MTFR2: variants seen among roughly 807,000 people sequenced by gnomAD.
MTFR2 encodes DUF729 domain-containing protein 1.
Under a neutral mutation model 41.2 loss-of-function variants are expected in MTFR2, and 44 were observed. The ratio of observed to expected loss-of-function variants is 1.07; its 90% confidence interval spans 0.84 to 1.37. The LOEUF (loss-of-function observed/expected upper bound fraction) is 1.37. Ranked by LOEUF, MTFR2 falls within the 40% of genes most tolerant of loss-of-function variation. The pLI is 0.00. For synonymous variants in MTFR2, 141 were observed against 154.6 expected (o/e 0.91, Z 0.65); for missense variants, 452 against 459.5 (o/e 0.98, Z 0.15).
At chr6:136,238,920 T>C (rs1176102505) in intron 6 of MTFR2, among the ~76,000 whole-genome samples, 2 of 151,758 alleles carry the variant, frequency 1.3e-5, no homozygotes, top group Middle Eastern at 3.2e-3. Context: ...ATACAAAAAT[T>C]AGCCAGGCAT....
chr6:136,237,052 TG>T (rs1779925516), intron 6 of MTFR2, among the ~76,000 whole-genome samples: 1 of 152,188 alleles, frequency 6.6e-6, no homozygotes, highest in Non-Finnish European at 1.5e-5. Flanking sequence ...ACTTCTCTCT[TG>T]CTCCTCTTTC....
At chr6:136,237,026 G>T (rs1363031231) in intron 6 of MTFR2, among the ~76,000 whole-genome samples, 1 of 152,208 alleles carries the variant, frequency 6.6e-6, no homozygotes, top group South Asian at 2.1e-4. Flanking sequence ...AACACAGGGC[G>T]TGTGCTAAAT....
chr6:136,246,601 A>G (rs774113117), intron 2 of MTFR2, among the ~76,000 whole-genome samples: 5 of 151,856 alleles, frequency 3.3e-5, no homozygotes, highest in African/African-American at 7.3e-5. Context: ...CATTCTTATT[A>G]TTTCATCTTC....
In MTFR2 at chr6:136,240,437, TTA is replaced by T. The variant is rs542633016; in HGVS notation, c.515-619_515-618del. Among the ~76,000 whole-genome samples, 3 of 151,932 alleles carry T rather than the reference TTA, an allele frequency of 2.0e-5. No homozygotes were observed. In the East Asian group the frequency reaches 5.8e-4, roughly 29 times the overall value. ...ATATACACTGTATAAATATCTTAAA[TTA>T]TATGTGTATTTATGCATTTGTATAT... On this transcript the variant is annotated intron_variant, in intron 5 of 7. Transcript: ENST00000420702.
intron 2 of MTFR2, chr6:136,247,511 CCTGT>C (rs1338734494): frequency 8.8e-6 from 4 of 456,144 alleles, no homozygotes; most frequent in Non-Finnish European, 1.8e-5. Flanking sequence ...TAAATTTCTT[CCTGT>C]CTGTTTCTTC....
chr6:136,244,704 G>GT, intron 3 of MTFR2, 61 bp downstream of exon 3: 1 of 1,171,690 alleles, frequency 8.5e-7, no homozygotes, highest in South Asian at 1.3e-5. Context: ...CCCCATACCT[G>GT]TAAGAGTACC....
intron 6 of MTFR2, among the ~76,000 whole-genome samples, chr6:136,236,999 G>A (rs76016466): frequency 6.6e-6 from 1 of 152,340 alleles, no homozygotes; most frequent in East Asian, 1.9e-4. Context: ...AGAGCATGGG[G>A]CGTGGGCGCC....
At chr6:136,241,083 T>C (rs1041768620) in intron 5 of MTFR2, among the ~76,000 whole-genome samples, 24 of 144,540 alleles carry the variant, frequency 1.7e-4, no homozygotes, top group African/African-American at 6.3e-4. Flanking sequence ...AGAGCAAGAC[T>C]GCGTCTCAAA....
intron 6 of MTFR2, among the ~76,000 whole-genome samples, chr6:136,236,120 C>T (rs901825212): frequency 6.6e-5 from 10 of 152,080 alleles, no homozygotes; most frequent in East Asian, 1.9e-4. Flanking sequence ...AAATTATAGA[C>T]GACTTCAAGA....
In MTFR2 at chr6:136,231,257, C is replaced by T; in HGVS notation, c.*18G>A. On this transcript the variant is annotated 3_prime_UTR_variant, in exon 8 of 8. Transcript: ENST00000420702. ...AGGAAGAAGTTTTGGAAGTTTAAAGCTCAACCTTAAGTTGAGTTTAAATCC... is the reference window on the plus strand; with the variant it reads ...AGGAAGAAGTTTTGGAAGTTTAAAGTTCAACCTTAAGTTGAGTTTAAATCC... 1.3e-6 allele frequency: 2 copies of T among 1,523,076 alleles called. No individual in the cohort carries two copies. The highest frequency in any genetic ancestry group is 1.4e-5 in the African/African-American group (1 of 72,704). 94.3% of individuals were successfully genotyped at this position (1,523,076 alleles called of 1,614,324 possible). A position where few individuals can be genotyped will look rare whatever the true frequency, so the allele number is the denominator to read the frequency against.
chr6:136,249,703 C>T lies in MTFR2; in HGVS notation c.-55+273G>A, dbSNP rs117230576. 3.0e-3 allele frequency among the ~76,000 whole-genome samples: 454 copies of T among 152,266 alleles called. 6 individuals carry two copies. In the East Asian group the frequency reaches 0.047, roughly 16 times the overall value. Reference sequence around the variant, plus strand: ...TCATGAGATGTGATGGTTTTATCAACAGGAGTTCCCCTGCACAAGCCCTCT... The same window carrying T: ...TCATGAGATGTGATGGTTTTATCAATAGGAGTTCCCCTGCACAAGCCCTCT... On this transcript the variant is annotated intron_variant, in intron 1 of 7. Coordinates refer to ENST00000420702, the MANE Select transcript of MTFR2 (RefSeq NM_001099286.3).
intron 3 of MTFR2, among the ~76,000 whole-genome samples, chr6:136,243,934 T>A (rs888592980): frequency 2.0e-5 from 3 of 151,884 alleles, no homozygotes; most frequent in African/African-American, 7.3e-5. Flanking sequence ...GTCTTAGTTT[T>A]AACAAAAAAA....
At chr6:136,239,399 CAT>C (rs1280746100) in intron 6 of MTFR2, 65 bp downstream of exon 6, 2 of 1,204,784 alleles carry the variant, frequency 1.7e-6, no homozygotes, top group African/African-American at 1.6e-5. Flanking sequence ...TTTTCATAAA[CAT>C]AATAATTTTT....
At position 136,250,112 on chromosome 6, in the gene MTFR2, AC is replaced by A. The variant is rs906457959; in HGVS notation, c.-192del. ...CTACCCAGACCTCGACCCAGTTTCC[AC>A]CCGCGCGCCTCGGCTTGCAGCCACA... On this transcript the variant is annotated 5_prime_UTR_variant, in exon 1 of 8. Transcript: ENST00000420702. 3.3e-5 allele frequency: 5 copies of A among 152,366 alleles called. No individual in the cohort carries two copies. The highest frequency in any genetic ancestry group is 9.7e-5 in the African/African-American group (4 of 41,364). The allele number at this position is 152,366 out of a possible 1,614,324, so 9.4% of individuals were successfully genotyped here.
At chr6:136,243,138 G>A (rs886724542) in intron 3 of MTFR2, among the ~76,000 whole-genome samples, 165 bp from the exon 4 acceptor site, 3 of 152,210 alleles carry the variant, frequency 2.0e-5, no homozygotes, top group Admixed American at 6.5e-5. Context: ...TGGGGAAAAT[G>A]TTATGCTGAA....
chr6:136,240,848 T>C (rs186829346), intron 5 of MTFR2, among the ~76,000 whole-genome samples: 5 of 152,174 alleles, frequency 3.3e-5, no homozygotes, highest in Non-Finnish European at 5.9e-5. Context: ...TCCCAGCACT[T>C]TGGGAGGCCA....
Position 136,233,478 on chromosome 6 carries a change from A to C in MTFR2, c.891T>G (p.Ile297Met), listed in dbSNP as rs1236235925. The stretch of plus-strand genomic sequence containing the variant: ...GTGAATTCTGTCTTTTCCTCTTATG[A>C]ATGGGTCTACCGCCAGGTGACCTAT... ...AIERSPGGRP[I>M]HKRKRQNSHW... Residue 297 changes from isoleucine (I) to methionine (M), a missense_variant, in exon 7 of 8, where the codon ATT (isoleucine) becomes ATG (methionine). Coordinates refer to ENST00000420702, the MANE Select transcript of MTFR2 (RefSeq NM_001099286.3). 2 of 1,567,092 alleles carry C rather than the reference A, an allele frequency of 1.3e-6. No homozygotes were observed.
rs1161294663 is a variant in MTFR2, at chr6:136,242,900, T to A, written c.242A>T (p.Tyr81Phe). 1.2e-6 allele frequency: 2 copies of A among 1,613,202 alleles called. No individual in the cohort carries two copies. The highest frequency in any genetic ancestry group is 2.2e-5 in the East Asian group (1 of 44,808). ...SMVPSFADIL[Y>F]VANDEEASYL... ...ACTGGCTTCTTCATCATTTGCCACA[T>A]ACAAAATATCAGCAAAAGATGGAAC... The change falls in exon 4 of 8, where the codon TAT (tyrosine) becomes TTT (phenylalanine). Residue 81 changes from tyrosine to phenylalanine, a missense_variant. Physicochemically the swap from Tyr to Phe is conservative, Grantham distance 22. Coordinates refer to ENST00000420702, the MANE Select transcript of MTFR2 (RefSeq NM_001099286.3).
chr6:136,248,445 G>C (rs1780273626), intron 2 of MTFR2, among the ~76,000 whole-genome samples: 1 of 152,112 alleles, frequency 6.6e-6, no homozygotes, highest in South Asian at 2.1e-4. Context: ...GAGATGTGAT[G>C]GTTTTATAAA....
Sources: gnomAD v4.1 joint callset for allele counts (sites outside exome capture counted in the v4.1 genomes callset) on GRCh38, gnomAD v4.1.1 for gene constraint, MANE v1.5 for transcripts, NCBI Gene and HGNC (gene_info 2026-07-23, HGNC 2026-07-21) for gene names.